ZRANB3: variants seen among roughly 807,000 people sequenced by gnomAD.
ZRANB3 encodes the protein DNA annealing helicase and endonuclease ZRANB3.
In ZRANB3, 125 loss-of-function variants were observed where a neutral mutation model predicts 133.8. That is an observed-to-expected ratio of 0.93 (90% confidence interval 0.81 to 1.08). The LOEUF is 1.08. ZRANB3 is among the 50% of genes least tolerant of loss of function. ZRANB3 has a pLI of 0.00. For synonymous variants in ZRANB3, 387 were observed against 432.7 expected, an observed-to-expected ratio of 0.89 and a Z score of 1.31; for missense variants, 1,229 against 1,275.5, an observed-to-expected ratio of 0.96 and a Z score of 0.56.
In ZRANB3 at chr2:135,404,828, C is replaced by T. The variant is rs552040755; in HGVS notation, c.162-14008G>A. On this transcript the variant is annotated intron_variant, in intron 2 of 20. Coordinates refer to ENST00000264159, the MANE Select transcript of ZRANB3 (RefSeq NM_032143.4). ...TTCTTAAAGAAAAGAATTTTCAACCCAGAATTTCATATCCAGCCAAACTAC... is the reference window on the plus strand; with the variant it reads ...TTCTTAAAGAAAAGAATTTTCAACCTAGAATTTCATATCCAGCCAAACTAC... Among the ~76,000 whole-genome samples the T allele has an allele frequency of 9.2e-5, 14 of 152,236 alleles. No individual in the cohort carries two copies. In the East Asian group the frequency reaches 2.3e-3, roughly 25 times the overall value.
chr2:135,324,788 A>C (rs576160535), intron 6 of ZRANB3, among the ~76,000 whole-genome samples: 353 of 152,158 alleles, frequency 2.3e-3, no homozygotes, highest in African/African-American at 7.7e-3. Flanking sequence ...CTGGTGTGAG[A>C]TGGTATCTCA....
At chr2:135,313,923 C>A (rs982725923) in intron 7 of ZRANB3, among the ~76,000 whole-genome samples, 1 of 152,028 alleles carries the variant, frequency 6.6e-6, no homozygotes, top group Non-Finnish European at 1.5e-5. Context: ...GGAGTGCAAT[C>A]GTGCAATCTC....
At chr2:135,497,735 T>C (rs1487490482) in intron 2 of ZRANB3, among the ~76,000 whole-genome samples, 1 of 152,150 alleles carries the variant, frequency 6.6e-6, no homozygotes, top group Non-Finnish European at 1.5e-5. Flanking sequence ...AAGTAGACAT[T>C]CATATGTAAA....
At chr2:135,318,239 TGTG>T in intron 6 of ZRANB3, among the ~76,000 whole-genome samples, 1 of 151,434 alleles carries the variant, frequency 6.6e-6, no homozygotes, top group Non-Finnish European at 1.5e-5. Flanking sequence ...TGTGTGTGTG[TGTG>T]TGTGTGTGTG....
rs1178009856 is a variant in ZRANB3 at position 135,204,106 on chromosome 2, G to A, written c.3010-1143C>T. ...TTTAAGCAAGCCTGTCAGGCACAAT[G>A]ACCTGATCAATAGTGCTGGCCCATG... On this transcript the variant is annotated intron_variant, in intron 19 of 20. Transcript: ENST00000264159. Among the ~76,000 whole-genome samples the A allele has an allele frequency of 4.6e-5, 7 of 152,162 alleles. 1 individual carries two copies. Among genetic ancestry groups the A allele is most frequent in the Admixed American group, 4.6e-4 (7 of 15,282 alleles).
chr2:135,216,517 G>A (rs1365182603), intron 17 of ZRANB3, among the ~76,000 whole-genome samples: 1 of 152,048 alleles, frequency 6.6e-6, no homozygotes, highest in African/African-American at 2.4e-5. Context: ...TCAGTTCACT[G>A]CAGCCTCAAC....
At chr2:135,408,827 G>A (rs2104951062) in intron 2 of ZRANB3, among the ~76,000 whole-genome samples, 1 of 152,132 alleles carries the variant, frequency 6.6e-6, no homozygotes, top group Non-Finnish European at 1.5e-5. Context: ...GCCTGTTGTG[G>A]GGTCGGGGGA....
intron 6 of ZRANB3, among the ~76,000 whole-genome samples, chr2:135,322,818 A>T (rs912619890): frequency 3.3e-5 from 5 of 152,014 alleles, no homozygotes. Flanking sequence ...GGAGTGTAAG[A>T]CCAGCCTGGA....
At position 135,200,303 on chromosome 2, in the gene ZRANB3, A is replaced by C; in HGVS notation, c.*39T>G. ...AAACTTCTGTATTAAAGTCTTCCAC[A>C]TGTAAACCATTTGTCATTCATTCAT... On this transcript the variant is annotated 3_prime_UTR_variant, in exon 21 of 21. Coordinates refer to ENST00000264159, the MANE Select transcript of ZRANB3 (RefSeq NM_032143.4). 1 of 1,505,954 alleles carries C rather than the reference A, an allele frequency of 6.6e-7. No individual in the cohort carries two copies. The highest frequency in any genetic ancestry group is 9.1e-7 in the Non-Finnish European group (1 of 1,104,218). The allele number at this position is 1,505,954 out of a possible 1,614,324, so 93.3% of individuals were successfully genotyped here. A position where few individuals can be genotyped will look rare whatever the true frequency, so the allele number is the denominator to read the frequency against.
rs1196777755 is a variant in ZRANB3, at chr2:135,340,391, CT to C, written c.677+5158del. Among the ~76,000 whole-genome samples the C allele has an allele frequency of 7.2e-5, 11 of 152,242 alleles. 1 individual carries two copies. Among genetic ancestry groups the C allele is most frequent in the Admixed American group, 7.2e-4 (11 of 15,298 alleles). ...AAAGTGCTAGGATTACAGGCGTTAG[CT>C]ACTGCGCCCAACCCCCTTTTTTTAA... On this transcript the variant is annotated intron_variant, in intron 6 of 20. Transcript: ENST00000264159.
At chr2:135,226,115 G>A (rs1694751660) in intron 14 of ZRANB3, among the ~76,000 whole-genome samples, 1 of 152,198 alleles carries the variant, frequency 6.6e-6, no homozygotes, top group South Asian at 2.1e-4. Context: ...TTAAAGATCA[G>A]AAGCCATTCT....
At chr2:135,489,518 T>C (rs1488009125) in intron 2 of ZRANB3, among the ~76,000 whole-genome samples, 1 of 150,332 alleles carries the variant, frequency 6.7e-6, no homozygotes, top group Non-Finnish European at 1.5e-5. Context: ...AAATATAAAC[T>C]TAAAGAAGCA....
intron 3 of ZRANB3, among the ~76,000 whole-genome samples, chr2:135,376,221 A>G (rs915475647): frequency 2.0e-5 from 3 of 152,136 alleles, no homozygotes; most frequent in African/African-American, 7.2e-5. Context: ...CCCTGTTGAC[A>G]CCTATTTCAG....
chr2:135,474,437 C>A (rs529918390), intron 2 of ZRANB3, among the ~76,000 whole-genome samples: 3 of 152,190 alleles, frequency 2.0e-5, no homozygotes, highest in Admixed American at 2.0e-4. Flanking sequence ...TGGGAGGAAT[C>A]TGGCTCATGG....
At chr2:135,225,904 T>C (rs1426956799) in intron 14 of ZRANB3, among the ~76,000 whole-genome samples, 1 of 152,160 alleles carries the variant, frequency 6.6e-6, no homozygotes, top group Non-Finnish European at 1.5e-5. Context: ...GTGTCTTACA[T>C]TGGTTACTGA....
At chr2:135,347,149 T>C (rs1684973120) in intron 5 of ZRANB3, among the ~76,000 whole-genome samples, 1 of 152,234 alleles carries the variant, frequency 6.6e-6, no homozygotes, top group Non-Finnish European at 1.5e-5. Flanking sequence ...AATAATTCCA[T>C]TGTACGGCTA....
At chr2:135,527,912 T>C (rs947399842) in intron 1 of ZRANB3, among the ~76,000 whole-genome samples, 3 of 152,208 alleles carry the variant, frequency 2.0e-5, no homozygotes, top group Non-Finnish European at 4.4e-5. Context: ...GACTAAGTAT[T>C]ACGTACATGG....
chr2:135,391,026 A>C (rs189488842), intron 2 of ZRANB3, among the ~76,000 whole-genome samples: 255 of 152,068 alleles, frequency 1.7e-3, no homozygotes, highest in African/African-American at 5.9e-3. Context: ...ACGCCCATCT[A>C]ATTTTTGTAT....
chr2:135,230,743 G>A lies in ZRANB3; in HGVS notation c.1724C>T (p.Thr575Met), dbSNP rs373922685. Residue 575 changes from threonine to methionine, a missense_variant, in exon 13 of 21, where the codon ACG becomes ATG. Thr to Met is a moderately conservative substitution (Grantham distance 81, BLOSUM62 -1). Coordinates refer to ENST00000264159, the MANE Select transcript of ZRANB3 (RefSeq NM_032143.4). ...IDYESDVEPE[T>M]KRLKLAASED... ...CGAGGCAGCCAATTTCAATCTTTTC[G>A]TTTCAGGTTCAACATCACTTTCATA... 3.6e-5 allele frequency: 58 copies of A among 1,613,534 alleles called. No homozygotes were observed. Among genetic ancestry groups the A allele is most frequent in the Non-Finnish European group, 4.0e-5 (47 of 1,179,728 alleles).
Sources: gnomAD v4.1 joint callset for allele counts (sites outside exome capture counted in the v4.1 genomes callset) on GRCh38, gnomAD v4.1.1 for gene constraint, MANE v1.5 for transcripts, NCBI Gene and HGNC (gene_info 2026-07-23, HGNC 2026-07-21) for gene names.